The following PDZD2 variants were observed in gnomAD, a reference collection of about 807,000 sequenced individuals.
PDZD2 encodes PDZ domain containing 2.
A neutral mutation model predicts 220.7 loss-of-function variants in PDZD2; 90 were observed. The ratio of observed to expected loss-of-function variants is 0.41; its 90% CI spans 0.34 to 0.49. PDZD2 has a LOEUF of 0.49. PDZD2 is among the 20% of genes least tolerant of loss of function. The probability of loss-of-function intolerance (pLI) is 0.28; values close to 1 mark genes in which losing one functional copy is unlikely to be tolerated. For missense variants in PDZD2, 3,174 were observed against 3,608.5 expected (o/e 0.88, Z 3.08); for synonymous variants, 1,375 against 1,450.5 (o/e 0.95, Z 1.18).
chr5:31,656,696 G>T (rs535947838), intron 1 of PDZD2, among the ~76,000 whole-genome samples: 65 of 152,280 alleles, frequency 4.3e-4, no homozygotes, highest in African/African-American at 1.5e-3. Flanking sequence ...AAAATCCCAA[G>T]GTTTCAGTAC....
Position 32,048,593 on chromosome 5 carries a change from A to G in PDZD2, c.1574A>G (p.Asn525Ser), listed in dbSNP as rs752253813. ...VEEYNELMVR[N>S]GDPRIRMLEV... Reference sequence around the variant, plus strand: ...GAATATAACGAGCTGATGGTGCGGAATGGGGACCCCCGGATCCGGATGTTG... The same window carrying G: ...GAATATAACGAGCTGATGGTGCGGAGTGGGGACCCCCGGATCCGGATGTTG... Residue 525 changes from asparagine (N) to serine (S), a missense_variant, in exon 8 of 25, where the codon AAT (asparagine) becomes AGT (serine). By Grantham distance (46) the Asn-to-Ser change is conservative. Coordinates refer to ENST00000438447, the MANE Select transcript of PDZD2 (RefSeq NM_178140.4). 1 of 1,613,972 alleles carries G rather than the reference A, an allele frequency of 6.2e-7. No homozygotes were observed. The highest frequency in any genetic ancestry group is 1.1e-5 in the South Asian group (1 of 91,072).
At position 32,108,036 on chromosome 5, in the gene PDZD2, T is replaced by G. The variant is rs1744963123; in HGVS notation, c.8421T>G (p.Pro2807=). Residue 2807 remains proline, a synonymous_variant, in exon 25 of 25, where the codon CCT becomes CCG. Transcript: ENST00000438447. ...AAATTCTTGCTATTAATGGGAAACC[T>G]CTGGTTGGGCTCATGCACTTTGATG... ...GDEILAINGK[P]LVGLMHFDAW... is the part of the protein sequence containing the mutation. The G allele has an allele frequency of 6.2e-7, 1 of 1,612,072 alleles. No individual in the cohort carries two copies. The highest frequency in any genetic ancestry group is 8.5e-7 in the Non-Finnish European group (1 of 1,178,258).
At chr5:31,737,915 C>G (rs1435010789) in intron 1 of PDZD2, among the ~76,000 whole-genome samples, 2 of 152,166 alleles carry the variant, frequency 1.3e-5, no homozygotes, top group Non-Finnish European at 2.9e-5. Flanking sequence ...ACAGACATTG[C>G]TACTAGCCCT....
chr5:31,807,865 C>A (rs961267705), intron 2 of PDZD2, among the ~76,000 whole-genome samples: 3 of 152,234 alleles, frequency 2.0e-5, no homozygotes, highest in African/African-American at 7.2e-5. Context: ...GCTGTGAGGA[C>A]CAGTGGAATG....
intron 1 of PDZD2, chr5:31,661,320 A>T (rs946247700): frequency 2.0e-5 from 3 of 152,234 alleles, no homozygotes; most frequent in Non-Finnish European, 4.4e-5. Context: ...TAGGAAGAAT[A>T]TGTAAGCAAA....
chr5:31,823,400 G>A (rs149623725), intron 2 of PDZD2, among the ~76,000 whole-genome samples: 2,247 of 152,136 alleles, frequency 0.015, 55 homozygotes, highest in African/African-American at 0.052. Context: ...CCCAGGAGGC[G>A]GAGGTTGCAG....
intron 2 of PDZD2, among the ~76,000 whole-genome samples, chr5:31,892,277 T>C (rs6450873): frequency 0.1 from 15,766 of 152,128 alleles, 2,482 homozygotes; most frequent in African/African-American, 0.34. Flanking sequence ...AGCTCCCTAA[T>C]GTACCTATTG....
Position 32,108,559 on chromosome 5 carries a change from C to CAATCA in PDZD2, c.*426_*430dup, listed in dbSNP as rs368163757. The CAATCA allele has an allele frequency of 3.7e-3, 544 of 146,160 alleles. 1 individual carries two copies. The highest frequency in any genetic ancestry group is 0.013 in the African/African-American group (526 of 39,264). The allele number at this position is 146,160 out of a possible 1,614,324, so 9.1% of individuals were successfully genotyped here. On this transcript the variant is annotated 3_prime_UTR_variant, in exon 25 of 25. Transcript: ENST00000438447. ...GACACAAATGTCACACCTAAGAGGA[C>CAATCA]AATCAATCATTTTGTATGATTTTGT...
chr5:31,862,527 C>A (rs1737812591), intron 2 of PDZD2, among the ~76,000 whole-genome samples: 1 of 151,268 alleles, frequency 6.6e-6, no homozygotes, highest in South Asian at 2.1e-4. Flanking sequence ...GACATGCGGT[C>A]ATTAATTGGG....
chr5:31,755,399 T>TG (rs758821235), intron 1 of PDZD2, among the ~76,000 whole-genome samples: 1 of 151,888 alleles, frequency 6.6e-6, no homozygotes, highest in Non-Finnish European at 1.5e-5. Flanking sequence ...CATTTCGGGG[T>TG]GGGGGGCGGT....
At chr5:31,834,484 C>T (rs1756824027) in intron 2 of PDZD2, among the ~76,000 whole-genome samples, 1 of 152,268 alleles carries the variant, frequency 6.6e-6, no homozygotes, top group Middle Eastern at 3.4e-3. Context: ...TTGAACTATG[C>T]AACAGAAATA....
chr5:31,987,001 T>G (rs112612514), intron 3 of PDZD2, among the ~76,000 whole-genome samples: 1,592 of 149,950 alleles, frequency 0.011, 23 homozygotes, highest in African/African-American at 0.037. Context: ...TATAAGCAGA[T>G]GACTATTTAA....
chr5:31,887,867 T>G (rs1740657311), intron 2 of PDZD2, among the ~76,000 whole-genome samples: 1 of 145,310 alleles, frequency 6.9e-6, no homozygotes, highest in African/African-American at 2.5e-5. Context: ...ATAAAATGGA[T>G]TGGTCTGTGG....
At position 31,662,855 on chromosome 5, in the gene PDZD2, C is replaced by G. The variant is rs528565267; in HGVS notation, c.-361+23418C>G. On this transcript the variant is annotated intron_variant, in intron 1 of 24. Coordinates refer to ENST00000438447, the MANE Select transcript of PDZD2 (RefSeq NM_178140.4). ...CCGTGTTAGCCAGGATGGTCTTGAT[C>G]TCCTGACCTTGTGATCCACCCGCTG... Among the ~76,000 whole-genome samples, 4 of 152,298 alleles carry G rather than the reference C, an allele frequency of 2.6e-5. No individual in the cohort carries two copies. In the South Asian group the frequency reaches 8.3e-4, roughly 32 times the overall value.
In PDZD2 at chr5:31,647,617, T is replaced by C. The variant is rs141665687; in HGVS notation, c.-361+8180T>C. On this transcript the variant is annotated intron_variant, in intron 1 of 24. Coordinates refer to ENST00000438447, the MANE Select transcript of PDZD2 (RefSeq NM_178140.4). The stretch of plus-strand genomic sequence containing the variant: ...GTCTGTGTCTTCTCTCTTGTCTGCA[T>C]GTCTCTACTTTGTGTGTCTCATTTA... Among the ~76,000 whole-genome samples the C allele has an allele frequency of 3.9e-4, 59 of 152,366 alleles. No homozygotes were observed. The East Asian group carries it at 0.01, about 26-fold the overall frequency.
intron 10 of PDZD2, among the ~76,000 whole-genome samples, chr5:32,055,759 A>G (rs976596980): frequency 1.3e-5 from 2 of 152,332 alleles, no homozygotes; most frequent in African/African-American, 4.8e-5. Flanking sequence ...ACAATAAGAC[A>G]TGACCAGGCT....
chr5:31,904,515 G>A (rs1742444797), intron 2 of PDZD2, among the ~76,000 whole-genome samples: 1 of 152,072 alleles, frequency 6.6e-6, no homozygotes, highest in South Asian at 2.1e-4. Flanking sequence ...ATCAATACTT[G>A]TTAATATGTC....
At chr5:31,640,377 G>A (rs747739863) in intron 1 of PDZD2, among the ~76,000 whole-genome samples, 8 of 152,234 alleles carry the variant, frequency 5.3e-5, no homozygotes, top group Non-Finnish European at 1.0e-4. Flanking sequence ...GGGACTGGCC[G>A]TTGGGCAGTG....
chr5:31,705,611 A>G (rs930246482), intron 1 of PDZD2, among the ~76,000 whole-genome samples: 1 of 152,278 alleles, frequency 6.6e-6, no homozygotes, highest in Non-Finnish European at 1.5e-5. Flanking sequence ...CATAAGTTAT[A>G]GATTTGTATA....
Sources: allele counts gnomAD v4.1 joint callset (sites outside exome capture counted in the v4.1 genomes callset), GRCh38; gene constraint gnomAD v4.1.1; transcripts MANE v1.5; gene names NCBI Gene and HGNC (gene_info 2026-07-23, HGNC 2026-07-21).